The following TMEFF2 variants were observed in gnomAD, a reference collection of about 807,000 sequenced individuals.
TMEFF2 encodes the protein tomoregulin-2.
Under a neutral mutation model 53.8 loss-of-function variants are expected in TMEFF2, and 28 were observed. That is an observed-to-expected ratio of 0.52 (90% CI 0.39 to 0.71). The LOEUF (loss-of-function observed/expected upper bound fraction) is 0.71, where lower values mean the gene tolerates loss of function less well. Ranked by LOEUF, TMEFF2 falls within the 30% of genes least tolerant of loss-of-function variation. The pLI is 0.00. For synonymous variants in TMEFF2, 162 were observed against 166.3 expected, an observed-to-expected ratio of 0.97 and a Z score of 0.20; for missense variants, 353 against 455.2, an observed-to-expected ratio of 0.78 and a Z score of 2.04.
intron 5 of TMEFF2, among the ~76,000 whole-genome samples, chr2:192,048,358 TAA>T (rs911209585): frequency 6.0e-5 from 4 of 66,154 alleles, no homozygotes; most frequent in Admixed American, 1.5e-4. Flanking sequence ...TAGATTCTCA[TAA>T]AACACACACA....
intron 4 of TMEFF2, among the ~76,000 whole-genome samples, chr2:192,098,370 T>C (rs943914374): frequency 2.6e-5 from 4 of 152,202 alleles, no homozygotes; most frequent in Non-Finnish European, 5.9e-5. Context: ...AATTGATTTG[T>C]CTGCCATTCG....
intron 7 of TMEFF2, among the ~76,000 whole-genome samples, chr2:191,984,376 T>G (rs1280447081): frequency 6.6e-6 from 1 of 152,106 alleles, no homozygotes; most frequent in African/African-American, 2.4e-5. Flanking sequence ...GTAACTACAT[T>G]GGTGACTTCC....
chr2:192,137,397 C>T (rs1288588484), intron 4 of TMEFF2, among the ~76,000 whole-genome samples: 1 of 152,108 alleles, frequency 6.6e-6, no homozygotes, highest in Non-Finnish European at 1.5e-5. Flanking sequence ...GAGTGTGCTA[C>T]AAAGTAGGCA....
intron 4 of TMEFF2, among the ~76,000 whole-genome samples, chr2:192,108,818 T>C (rs1269946078): frequency 6.6e-5 from 10 of 151,978 alleles, no homozygotes; most frequent in Non-Finnish European, 1.0e-4. Flanking sequence ...AACTTATGAA[T>C]AGATTAAAAA....
At position 192,014,527 on chromosome 2, in the gene TMEFF2, A is replaced by G. The variant is rs185247722; in HGVS notation, c.537-15319T>C. ...GTTGTTAGTATCCTTAAGATCACCT[A>G]TCCTTCAAAATATGACTCAATATTT... On this transcript the variant is annotated intron_variant, in intron 5 of 9. Coordinates refer to ENST00000272771, the MANE Select transcript of TMEFF2 (RefSeq NM_016192.4). Among the ~76,000 whole-genome samples, 278 of 152,314 alleles carry G rather than the reference A, an allele frequency of 1.8e-3. 2 individuals are homozygous for G. Among genetic ancestry groups the G allele is most frequent in the Non-Finnish European group, 2.3e-3 (158 of 68,026 alleles).
intron 9 of TMEFF2, 69 bp downstream of exon 9, chr2:191,953,610 G>C: frequency 6.4e-7 from 1 of 1,554,006 alleles, no homozygotes. Context: ...CACCTCGGAG[G>C]GATCTGATTA....
chr2:192,007,323 G>A (rs1156758956), intron 5 of TMEFF2, among the ~76,000 whole-genome samples: 1 of 152,184 alleles, frequency 6.6e-6, no homozygotes, highest in Admixed American at 6.5e-5. Context: ...CCAAGACCAA[G>A]TGGCAGAAAA....
At chr2:192,001,830 G>A (rs1048663454) in intron 5 of TMEFF2, among the ~76,000 whole-genome samples, 5 of 152,052 alleles carry the variant, frequency 3.3e-5, no homozygotes, top group African/African-American at 7.2e-5. Flanking sequence ...TCTTTCTTTT[G>A]TAAATTGCCC....
intron 4 of TMEFF2, among the ~76,000 whole-genome samples, chr2:192,133,745 C>G (rs1218401809): frequency 6.6e-6 from 1 of 152,234 alleles, no homozygotes; most frequent in Non-Finnish European, 1.5e-5. Context: ...TGACACCCAT[C>G]AGGCTCAGCA....
chr2:192,165,291 A>T (rs909461460), intron 4 of TMEFF2, among the ~76,000 whole-genome samples: 1 of 152,168 alleles, frequency 6.6e-6, no homozygotes, highest in African/African-American at 2.4e-5. Flanking sequence ...TGGCTTTGCC[A>T]CTAACACTAC....
At chr2:192,068,431 T>C (rs1003884964) in intron 4 of TMEFF2, among the ~76,000 whole-genome samples, 1 of 151,832 alleles carries the variant, frequency 6.6e-6, no homozygotes, top group East Asian at 1.9e-4. Context: ...ATGGAGCCTA[T>C]AGAAAAAGTC....
chr2:191,981,702 G>C (rs1308683240), intron 7 of TMEFF2, among the ~76,000 whole-genome samples: 1 of 152,152 alleles, frequency 6.6e-6, no homozygotes, highest in Admixed American at 6.6e-5. Context: ...TATAAAGTTA[G>C]AGAAGCTTGG....
rs1692270235 is a variant in TMEFF2, at chr2:191,961,437, A to G, written c.746-5059T>C. Among the ~76,000 whole-genome samples, 3 of 152,194 alleles carry G rather than the reference A, an allele frequency of 2.0e-5. No homozygotes were observed. The South Asian group carries it at 6.2e-4, about 32-fold the overall frequency. ...TGTAATCTTGCTATTTTTTACATGT[A>G]ATGACAGTAGAGGGAAACTCCAGTA... On this transcript the variant is annotated intron_variant, in intron 7 of 9. Transcript: ENST00000272771.
intron 4 of TMEFF2, among the ~76,000 whole-genome samples, chr2:192,083,588 A>C (rs1688602794): frequency 6.6e-6 from 1 of 151,994 alleles, no homozygotes; most frequent in Non-Finnish European, 1.5e-5. Flanking sequence ...ATATGGAGAA[A>C]AGTTATTTCA....
intron 4 of TMEFF2, among the ~76,000 whole-genome samples, chr2:192,107,983 C>G (rs907093702): frequency 6.6e-6 from 1 of 151,196 alleles, no homozygotes; most frequent in Admixed American, 6.6e-5. Flanking sequence ...TAATTTCTGT[C>G]ATAACTTCAT....
chr2:191,951,467 TAGAAGAGAGATGTAGA>T (rs1691880354), intron 9 of TMEFF2, among the ~76,000 whole-genome samples: 1 of 142,066 alleles, frequency 7.0e-6, no homozygotes. Context: ...GGAGAAGAGA[TAGAAGAGAGATGTAGA>T]AGACAGGAGA....
chr2:192,089,418 G>A (rs1456230938), intron 4 of TMEFF2, among the ~76,000 whole-genome samples: 1 of 150,434 alleles, frequency 6.6e-6, no homozygotes, highest in Non-Finnish European at 1.5e-5. Context: ...TTGAAATTCT[G>A]TGATAACTCC....
intron 9 of TMEFF2, among the ~76,000 whole-genome samples, chr2:191,953,060 A>T (rs114112225): frequency 2.6e-3 from 392 of 152,340 alleles, no homozygotes; most frequent in Admixed American, 4.8e-3. Flanking sequence ...TTTGCATGCA[A>T]ATGAAATTAA....
chr2:192,138,085 C>T (rs936094635), intron 4 of TMEFF2, among the ~76,000 whole-genome samples: 10 of 152,154 alleles, frequency 6.6e-5, no homozygotes, highest in Admixed American at 3.3e-4. Context: ...TCCCAAAGTG[C>T]TGGGATTACA....
Sources: allele counts gnomAD v4.1 joint callset (sites outside exome capture counted in the v4.1 genomes callset), GRCh38; gene constraint gnomAD v4.1.1; transcripts MANE v1.5; gene names NCBI Gene and HGNC (gene_info 2026-07-23, HGNC 2026-07-21).